The following MAF variants were observed in gnomAD, a reference collection of about 807,000 sequenced individuals.
MAF encodes MAF bZIP transcription factor.
A neutral mutation model predicts 22.0 loss-of-function variants in MAF; 10 were observed. The observed-to-expected ratio is 0.45, with a 90% CI of 0.28 to 0.77. The LOEUF (loss-of-function observed/expected upper bound fraction) is 0.77, where lower values mean the gene tolerates loss of function less well. Ranked by LOEUF, MAF falls within the 30% of genes least tolerant of loss-of-function variation. The pLI, the probability that MAF is intolerant of heterozygous loss-of-function variation, is 0.12. For missense variants in MAF, 544 were observed against 548.4 expected (o/e 0.99, Z 0.08); for synonymous variants, 337 against 255.8 (o/e 1.32, Z -3.03).
chr16:79,501,905 C>T, the MAF span, among the ~76,000 whole-genome samples: 2 of 152,084 alleles, frequency 1.3e-5, no homozygotes, highest in African/African-American at 4.8e-5. Flanking sequence ...GTATTTTTCC[C>T]CCGCCAGCGG....
the MAF span, among the ~76,000 whole-genome samples, chr16:79,435,400 T>C: frequency 2.0e-5 from 3 of 152,236 alleles, no homozygotes; most frequent in Non-Finnish European, 4.4e-5. Context: ...GCCCTAGATT[T>C]AGGAAAACAG....
chr16:79,578,363 C>A, the MAF span, among the ~76,000 whole-genome samples: 1 of 151,958 alleles, frequency 6.6e-6, no homozygotes, highest in Non-Finnish European at 1.5e-5. Flanking sequence ...ATTAATGAAT[C>A]CAAAGGCTAA....
the MAF span, among the ~76,000 whole-genome samples, chr16:79,394,633 G>A: frequency 6.6e-6 from 1 of 152,096 alleles, no homozygotes; most frequent in Non-Finnish European, 1.5e-5. Flanking sequence ...AAGGGGTTTG[G>A]AGGATTTGGG....
At chr16:79,508,415 T>C in the MAF span, among the ~76,000 whole-genome samples, 6 of 152,172 alleles carry the variant, frequency 3.9e-5, no homozygotes, top group African/African-American at 1.4e-4. Context: ...GCCTCTCTCC[T>C]CCTGGGTGTA....
At chr16:79,459,490 A>G in the MAF span, among the ~76,000 whole-genome samples, 1 of 152,082 alleles carries the variant, frequency 6.6e-6, no homozygotes, top group Non-Finnish European at 1.5e-5. Context: ...CTGTTTTTCT[A>G]TCGTAAGCTT....
At chr16:79,501,548 G>A in the MAF span, among the ~76,000 whole-genome samples, 1 of 151,054 alleles carries the variant, frequency 6.6e-6, no homozygotes, top group Non-Finnish European at 1.5e-5. Flanking sequence ...TGCATTCAAA[G>A]TCTAAGTTAA....
At chr16:79,536,728 G>A in the MAF span, among the ~76,000 whole-genome samples, 2 of 152,048 alleles carry the variant, frequency 1.3e-5, no homozygotes, top group Admixed American at 6.5e-5. Context: ...TTTTTTCCCT[G>A]TCATTATTCC....
the MAF span, among the ~76,000 whole-genome samples, chr16:79,273,949 C>CTTTTTTT: frequency 4.6e-5 from 4 of 86,458 alleles, 1 homozygote; most frequent in East Asian, 3.7e-4. Context: ...TCGTGTCTGC[C>CTTTTTTT]TTTTTTTTTT....
the MAF span, among the ~76,000 whole-genome samples, chr16:79,253,749 T>C: frequency 6.6e-6 from 1 of 152,212 alleles, no homozygotes; most frequent in African/African-American, 2.4e-5. Context: ...AGCCTGATCG[T>C]CTCTAGCTCC....
At chr16:79,275,579 G>A in the MAF span, among the ~76,000 whole-genome samples, 20 of 152,314 alleles carry the variant, frequency 1.3e-4, no homozygotes, top group South Asian at 3.9e-3. Flanking sequence ...AAGTCAGAGT[G>A]TAGTCTCTTC....
At chr16:79,416,880 G>A in the MAF span, among the ~76,000 whole-genome samples, 6 of 152,138 alleles carry the variant, frequency 3.9e-5, no homozygotes, top group African/African-American at 1.4e-4. Context: ...TTAGGAAGAT[G>A]GTAGACAGCC....
At chr16:79,243,775 TG>T in the MAF span, among the ~76,000 whole-genome samples, 1 of 151,994 alleles carries the variant, frequency 6.6e-6, no homozygotes, top group African/African-American at 2.4e-5. Flanking sequence ...AAAGAAAATT[TG>T]AGGCCAATAT....
At chr16:79,245,154 C>T in the MAF span, among the ~76,000 whole-genome samples, 18,445 of 151,874 alleles carry the variant, frequency 0.12, 1,517 homozygotes, top group Middle Eastern at 0.2. Flanking sequence ...GATATAGGCA[C>T]GGGCGAAGAC....
At chr16:79,284,707 G>A in the MAF span, among the ~76,000 whole-genome samples, 2,326 of 152,284 alleles carry the variant, frequency 0.015, 56 homozygotes, top group African/African-American at 0.053. Context: ...ACAGGAAAAT[G>A]TCAAACTTTC....
chr16:79,309,608 G>T, the MAF span, among the ~76,000 whole-genome samples: 122,705 of 151,718 alleles, frequency 0.81, 50,312 homozygotes, highest in South Asian at 0.88. Context: ...AAGACAAAAT[G>T]TTTCCACTTT....
the MAF span, among the ~76,000 whole-genome samples, chr16:79,360,117 G>A: frequency 6.6e-6 from 1 of 152,154 alleles, no homozygotes; most frequent in Non-Finnish European, 1.5e-5. Flanking sequence ...AGCTGTCCAT[G>A]AGAGAGCTAT....
the MAF span, among the ~76,000 whole-genome samples, chr16:79,253,595 G>A: frequency 6.6e-6 from 1 of 152,056 alleles, no homozygotes; most frequent in African/African-American, 2.4e-5. Flanking sequence ...GCGGGAGGGT[G>A]GGGCGTGGTC....
At chr16:79,322,334 A>G in the MAF span, among the ~76,000 whole-genome samples, 1 of 152,134 alleles carries the variant, frequency 6.6e-6, no homozygotes, top group African/African-American at 2.4e-5. Flanking sequence ...CCAACTGGCC[A>G]TTTTGAAGGT....
chr16:79,596,698 G>A (rs1772108809), intron 1 of MAF: 1 of 1,038,592 alleles, frequency 9.6e-7, no homozygotes, highest in Non-Finnish European at 1.2e-6. Context: ...TTAAAGACAG[G>A]ATGTCAGTCC....
Sources: allele counts gnomAD v4.1 joint callset (sites outside exome capture counted in the v4.1 genomes callset), GRCh38; gene constraint gnomAD v4.1.1; transcripts MANE v1.5; gene names NCBI Gene and HGNC (gene_info 2026-07-23, HGNC 2026-07-21).